The following ITIH2 variants were observed in gnomAD, a reference collection of about 807,000 sequenced individuals.
The protein encoded by ITIH2 is inter-alpha-trypsin inhibitor heavy chain 2.
Under a neutral mutation model 104.4 loss-of-function variants are expected in ITIH2, and 103 were observed. That is an observed-to-expected ratio of 0.99 (90% CI 0.84 to 1.16). The LOEUF (loss-of-function observed/expected upper bound fraction) is 1.16, where lower values mean the gene tolerates loss of function less well. Among genes scored for constraint, ITIH2 ranks in the 50% most tolerant of loss-of-function variants. ITIH2 has a pLI of 0.00. For missense variants in ITIH2, 1,108 were observed against 1,162.4 expected (o/e 0.95, Z 0.68); for synonymous variants, 436 against 435.4 (o/e 1.00, Z -0.02).
chr10:7,717,786 G>C lies in ITIH2; in HGVS notation c.628G>C (p.Glu210Gln). Residue 210 changes from glutamate to glutamine, a missense_variant and splice_region_variant, in exon 6 of 21, where the codon GAG (glutamate) becomes CAG (glutamine). By Grantham distance (29) the Glu-to-Gln change is conservative. Coordinates refer to ENST00000358415, the MANE Select transcript of ITIH2 (RefSeq NM_002216.3). ...ACCTGGACGGCTGGCCAAACACTTA[G>C]AGGTAAGCCTGGATCTGTAGGGTGG... The part of the protein sequence containing the change: ...LQPGRLAKHL[E>Q]VDVWVIEPQG... The C allele has an allele frequency of 6.2e-7, 1 of 1,607,830 alleles. No individual in the cohort carries two copies.
At chr10:7,732,274 A>T in intron 13 of ITIH2, 64 bp from the exon 14 acceptor site, 3 of 1,538,804 alleles carry the variant, frequency 1.9e-6, no homozygotes, top group Non-Finnish European at 2.7e-6. Flanking sequence ...GGTACTAAAA[A>T]TGTGAATCAA....
At chr10:7,718,430 T>G (rs917750557) in intron 6 of ITIH2, among the ~76,000 whole-genome samples, 3 of 152,178 alleles carry the variant, frequency 2.0e-5, no homozygotes, top group African/African-American at 7.2e-5. Context: ...AGGCCACCAT[T>G]CAACCCAAGA....
chr10:7,726,051 G>T (rs887207304), intron 9 of ITIH2, among the ~76,000 whole-genome samples: 1 of 152,174 alleles, frequency 6.6e-6, no homozygotes, highest in African/African-American at 2.4e-5. Context: ...ATGGACCTTT[G>T]GATTTAGTGA....
intron 15 of ITIH2, 111 bp downstream of exon 15, chr10:7,735,202 G>A: frequency 4.2e-6 from 4 of 955,526 alleles, no homozygotes; most frequent in Non-Finnish European, 6.0e-6. Flanking sequence ...CTTGCTCCCA[G>A]CCCTGGGCCC....
rs150146365 is a variant in ITIH2 at position 7,709,055 on chromosome 10, A to G, written c.226A>G (p.Lys76Glu). The change falls in exon 4 of 21, where the codon AAA (lysine) becomes GAA (glutamate). Residue 76 changes from lysine (K) to glutamate (E), a missense_variant. Physicochemically the swap from Lys to Glu is moderately conservative, Grantham distance 56 (BLOSUM62 1). Coordinates refer to ENST00000358415, the MANE Select transcript of ITIH2 (RefSeq NM_002216.3). ...EVDQVTLYSY[K>E]VQSTITSRMA... The stretch of plus-strand genomic sequence containing the variant: ...TGATCAAGTAACTCTTTATAGCTAT[A>G]AAGTCCAGTCTACTATTACTTCTCG... The G allele has an allele frequency of 1.7e-5, 28 of 1,613,990 alleles. No individual in the cohort carries two copies. The highest frequency in any genetic ancestry group is 2.3e-5 in the Non-Finnish European group (27 of 1,179,970).
At position 7,730,985 on chromosome 10, in the gene ITIH2, C is replaced by G. The variant is rs185335073; in HGVS notation, c.1462-826C>G. ...TGGTTCAGGAGTGCAGTGCTGCGAT[C>G]TCGGCTCACTGCAACCTCCGCCTCC... On this transcript the variant is annotated intron_variant, in intron 12 of 20. Coordinates refer to ENST00000358415, the MANE Select transcript of ITIH2 (RefSeq NM_002216.3). Among the ~76,000 whole-genome samples, 12 of 152,318 alleles carry G rather than the reference C, an allele frequency of 7.9e-5. No homozygotes were observed. In the East Asian group the frequency reaches 2.3e-3, roughly 29 times the overall value.
At chr10:7,746,749 G>GA (rs1564308758) in intron 20 of ITIH2, 45 bp downstream of exon 20, 7 of 1,205,690 alleles carry the variant, frequency 5.8e-6, no homozygotes, top group Non-Finnish European at 7.4e-6. Flanking sequence ...CCTTGTGTTA[G>GA]AATTAGACCC....
chr10:7,732,063 C>A, intron 13 of ITIH2, 67 bp downstream of exon 13: 1 of 1,253,866 alleles, frequency 8.0e-7, no homozygotes, highest in Non-Finnish European at 1.1e-6. Context: ...TCTTGAATGT[C>A]AGCTCTGCCT....
At chr10:7,705,218 A>G in intron 2 of ITIH2, 36 bp downstream of exon 2, 3 of 1,356,592 alleles carry the variant, frequency 2.2e-6, no homozygotes, top group Non-Finnish European at 3.1e-6. Context: ...GGGGAAAAAA[A>G]GTGAAAGAGA....
intron 11 of ITIH2, among the ~76,000 whole-genome samples, chr10:7,729,481 C>A (rs988544988): frequency 6.6e-6 from 1 of 152,116 alleles, no homozygotes; most frequent in Non-Finnish European, 1.5e-5. Flanking sequence ...CATGTTTGCA[C>A]ACATGTATGT....
At chr10:7,714,995 G>A (rs928128392) in intron 5 of ITIH2, among the ~76,000 whole-genome samples, 3 of 152,176 alleles carry the variant, frequency 2.0e-5, no homozygotes, top group African/African-American at 7.2e-5. Context: ...GGGGAATCCT[G>A]GAACCAAACC....
chr10:7,704,757 C>G (rs988855405), intron 1 of ITIH2, among the ~76,000 whole-genome samples: 1 of 152,086 alleles, frequency 6.6e-6, no homozygotes, highest in Non-Finnish European at 1.5e-5. Context: ...TAATGAATAC[C>G]AACAGCTATC....
intron 11 of ITIH2, 139 bp downstream of exon 11, chr10:7,727,967 C>G (rs997616549): frequency 7.1e-6 from 7 of 984,568 alleles, no homozygotes. Flanking sequence ...TAAAGGAGGT[C>G]TTCTGATCCT....
rs1401797398 is a variant in ITIH2, at chr10:7,743,145, G to C, written c.2096-1G>C. 1 of 1,419,574 alleles carries C rather than the reference G, an allele frequency of 7.0e-7. No homozygotes were observed. The highest frequency in any genetic ancestry group is 9.8e-7 in the Non-Finnish European group (1 of 1,024,986). The allele number at this position is 1,419,574 out of a possible 1,614,324, so 87.9% of individuals were successfully genotyped here. On this transcript the variant is annotated splice_acceptor_variant, in intron 16 of 20. Transcript: ENST00000358415. LOFTEE classifies it high-confidence loss of function. ...TTACGTTTTCTTTGTATATTTTCCA[G>C]TTGAAAATGACCCACATTTCATCAT...
chr10:7,726,257 G>T (rs1236526974), intron 9 of ITIH2, among the ~76,000 whole-genome samples: 2 of 152,152 alleles, frequency 1.3e-5, no homozygotes, highest in Non-Finnish European at 2.9e-5. Context: ...TTTGTAGAAG[G>T]GTGAGAAATA....
chr10:7,719,571 GCACAGCGATA>G (rs1254598717), intron 6 of ITIH2, among the ~76,000 whole-genome samples: 1 of 151,900 alleles, frequency 6.6e-6, no homozygotes, highest in African/African-American at 2.4e-5. Context: ...AGCCTGGGCA[GCACAGCGATA>G]CCTCACCTCT....
intron 5 of ITIH2, among the ~76,000 whole-genome samples, chr10:7,715,727 T>C (rs1193320183): frequency 6.6e-6 from 1 of 152,224 alleles, no homozygotes; most frequent in African/African-American, 2.4e-5. Flanking sequence ...ACATCTCACC[T>C]TGCTTACTTA....
chr10:7,710,088 G>A (rs1390410439), intron 4 of ITIH2, among the ~76,000 whole-genome samples: 3 of 152,138 alleles, frequency 2.0e-5, no homozygotes, highest in African/African-American at 2.4e-5. Context: ...TCTTGACCTC[G>A]TGATCTGCCC....
In ITIH2 at chr10:7,749,461, T is replaced by C; in HGVS notation, c.*127T>C. The C allele has an allele frequency of 1.3e-6, 1 of 751,690 alleles. No homozygotes were observed. The highest frequency in any genetic ancestry group is 2.1e-6 in the Non-Finnish European group (1 of 472,614). 46.6% of individuals were successfully genotyped at this position (751,690 alleles called of 1,614,324 possible). A position where few individuals can be genotyped will look rare whatever the true frequency, so the allele number is the denominator to read the frequency against. ...GGGTGGTTAATTAAAATGAACCAGA[T>C]ATCAGGGTGGTTTATAAAGCCTGTA... On this transcript the variant is annotated 3_prime_UTR_variant, in exon 21 of 21. Transcript: ENST00000358415.
Sources: allele counts gnomAD v4.1 joint callset (sites outside exome capture counted in the v4.1 genomes callset), GRCh38; gene constraint gnomAD v4.1.1; transcripts MANE v1.5; gene names NCBI Gene and HGNC (gene_info 2026-07-23, HGNC 2026-07-21).